Variants in FAM204A observed in about 807,000 individuals in gnomAD.
FAM204A encodes protein FAM204A.
A neutral mutation model predicts 35.4 loss-of-function variants in FAM204A; 16 were observed. The ratio of observed to expected loss-of-function variants is 0.45; its 90% CI spans 0.31 to 0.69. The LOEUF is 0.69. Ranked by LOEUF, FAM204A falls within the 30% of genes least tolerant of loss-of-function variation. FAM204A has a pLI of 0.07. For missense variants in FAM204A, 240 were observed against 265.7 expected, an observed-to-expected ratio of 0.90 and a Z score of 0.67; for synonymous variants, 76 against 86.9, an observed-to-expected ratio of 0.88 and a Z score of 0.70.
chr10:118,327,973 C>A lies in FAM204A; in HGVS notation c.454-1730G>T, dbSNP rs148571646. ...GCAAGACCCTGTCTCTTAAAAACAA[C>A]AACAAAACAGTTTTGTCCAGATGGC... On this transcript the variant is annotated intron_variant, in intron 6 of 8. Transcript: ENST00000369183. 4.7e-3 allele frequency among the ~76,000 whole-genome samples: 718 copies of A among 152,214 alleles called. 6 individuals carry two copies. The highest frequency in any genetic ancestry group is 0.016 in the African/African-American group (669 of 41,536).
Position 118,303,258 on chromosome 10 carries a change from G to C in FAM204A, c.*7599C>G, listed in dbSNP as rs182790880. ...AGAATTTCAGATTTTCAATCTGCTAGACATTTATACATATGTAGAACCAAG... is the reference window on the plus strand; with the variant it reads ...AGAATTTCAGATTTTCAATCTGCTACACATTTATACATATGTAGAACCAAG... On this transcript the variant is annotated 3_prime_UTR_variant, in exon 9 of 9. Coordinates refer to ENST00000369183, the MANE Select transcript of FAM204A (RefSeq NM_022063.3). 7 of 152,322 alleles carry C rather than the reference G, an allele frequency of 4.6e-5. No homozygotes were observed. The highest frequency in any genetic ancestry group is 2.6e-4 in the Admixed American group (4 of 15,306). The allele number at this position is 152,322 out of a possible 1,614,324, so 9.4% of individuals were successfully genotyped here.
At chr10:118,336,453 T>A in intron 2 of FAM204A, 30 bp from the exon 3 acceptor site, 1 of 1,547,976 alleles carries the variant, frequency 6.5e-7, no homozygotes, top group Non-Finnish European at 8.7e-7. Flanking sequence ...TTTACACATG[T>A]AGAATAACCA....
chr10:118,335,713 G>A (rs1176348730), intron 3 of FAM204A, 72 bp from the exon 4 acceptor site: 1 of 1,128,442 alleles, frequency 8.9e-7, no homozygotes, highest in South Asian at 1.4e-5. Flanking sequence ...AAATAATGAA[G>A]TAATAAAACA....
intron 7 of FAM204A, among the ~76,000 whole-genome samples, chr10:118,312,034 C>T (rs853907): frequency 0.4 from 61,431 of 151,878 alleles, 13,087 homozygotes; most frequent in Middle Eastern, 0.62. Context: ...AAAACAGTCC[C>T]TGTTTCTCCA....
At chr10:118,336,991 T>C (rs961886788) in intron 2 of FAM204A, among the ~76,000 whole-genome samples, 2 of 152,202 alleles carry the variant, frequency 1.3e-5, no homozygotes, top group African/African-American at 4.8e-5. Context: ...TACTTTTTAG[T>C]TTAATACTGT....
At chr10:118,338,005 A>T (rs148826875) in intron 2 of FAM204A, among the ~76,000 whole-genome samples, 1 of 152,212 alleles carries the variant, frequency 6.6e-6, no homozygotes, top group Non-Finnish European at 1.5e-5. Context: ...TGAAGTGTCT[A>T]TAACAAATGT....
rs1845811234 is a variant in FAM204A at position 118,301,878 on chromosome 10, A to C, written c.*8979T>G. 1 of 152,318 alleles carries C rather than the reference A, an allele frequency of 6.6e-6. No homozygotes were observed. The highest frequency in any genetic ancestry group is 2.4e-5 in the African/African-American group (1 of 41,444). The allele number at this position is 152,318 out of a possible 1,614,324, so 9.4% of individuals were successfully genotyped here. A position where few individuals can be genotyped will look rare whatever the true frequency, so the allele number is the denominator to read the frequency against. ...GGGATTCAAATCTGGCTTGCTTCAT[A>C]GTCCAGGGTGTAGCAGTTTCACTAT... On this transcript the variant is annotated 3_prime_UTR_variant, in exon 9 of 9. Coordinates refer to ENST00000369183, the MANE Select transcript of FAM204A (RefSeq NM_022063.3).
intron 2 of FAM204A, among the ~76,000 whole-genome samples, chr10:118,338,331 G>C (rs1203959040): frequency 1.3e-5 from 2 of 152,178 alleles, no homozygotes; most frequent in African/African-American, 2.4e-5. Context: ...CAGGTGTCAT[G>C]CTATTAATAA....
intron 6 of FAM204A, 29 bp downstream of exon 6, chr10:118,335,085 G>C (rs1846357412): frequency 6.8e-7 from 1 of 1,463,486 alleles, no homozygotes; most frequent in Non-Finnish European, 9.6e-7. Context: ...CCTACTAGCT[G>C]GTATAAGATG....
At chr10:118,318,461 T>C (rs1846063222) in intron 7 of FAM204A, among the ~76,000 whole-genome samples, 1 of 152,004 alleles carries the variant, frequency 6.6e-6, no homozygotes, top group African/African-American at 2.4e-5. Context: ...AAAATACATA[T>C]AAATAATACT....
chr10:118,317,693 C>T (rs966361204), intron 7 of FAM204A, among the ~76,000 whole-genome samples: 2 of 151,978 alleles, frequency 1.3e-5, no homozygotes, highest in African/African-American at 4.8e-5. Flanking sequence ...TTCATCCAGG[C>T]CCTCTCTTAC....
chr10:118,328,338 A>C (rs528187015), intron 6 of FAM204A, among the ~76,000 whole-genome samples: 2 of 152,062 alleles, frequency 1.3e-5, no homozygotes, highest in African/African-American at 4.8e-5. Context: ...ATTATCAACT[A>C]AACTCTAAGC....
intron 7 of FAM204A, among the ~76,000 whole-genome samples, chr10:118,320,091 G>GT (rs1846088221): frequency 6.6e-6 from 1 of 151,858 alleles, no homozygotes; most frequent in African/African-American, 2.4e-5. Flanking sequence ...AACCAAGTTG[G>GT]TTTTTATCTA....
chr10:118,337,445 C>T (rs1442527890), intron 2 of FAM204A, among the ~76,000 whole-genome samples: 3 of 152,220 alleles, frequency 2.0e-5, no homozygotes, highest in African/African-American at 7.2e-5. Context: ...AAAGAAACCA[C>T]CATTCTCTCT....
chr10:118,325,028 T>A (rs539236403), intron 7 of FAM204A, among the ~76,000 whole-genome samples: 3 of 151,996 alleles, frequency 2.0e-5, no homozygotes, highest in African/African-American at 7.2e-5. Flanking sequence ...TACACACACA[T>A]TAAACACAGA....
intron 1 of FAM204A, 138 bp downstream of exon 1, chr10:118,342,132 C>T (rs768362801): frequency 6.6e-6 from 1 of 152,316 alleles, no homozygotes; most frequent in Non-Finnish European, 1.5e-5. Context: ...GCTTTTCTAG[C>T]CTGCTCCGGG....
intron 7 of FAM204A, among the ~76,000 whole-genome samples, chr10:118,319,653 A>C (rs999540687): frequency 6.6e-6 from 1 of 152,018 alleles, no homozygotes; most frequent in Non-Finnish European, 1.5e-5. Flanking sequence ...AGTTCAAAAA[A>C]TGAGCTTTCA....
chr10:118,339,360 A>G (rs1846437889), intron 2 of FAM204A, among the ~76,000 whole-genome samples: 1 of 152,220 alleles, frequency 6.6e-6, no homozygotes, highest in South Asian at 2.1e-4. Flanking sequence ...CTTGTCATTC[A>G]CAAAGTTTCC....
In FAM204A at chr10:118,311,091, C is replaced by T. The variant is rs746755209; in HGVS notation, c.650+116G>A. 175 of 1,099,416 alleles carry T rather than the reference C, an allele frequency of 1.6e-4. 1 individual carries two copies. Among genetic ancestry groups the T allele is most frequent in the Middle Eastern group, 8.7e-4 (3 of 3,460 alleles). 68.1% of individuals were successfully genotyped at this position (1,099,416 alleles called of 1,614,324 possible). Reference sequence around the variant, plus strand: ...TATTTATAATCTGATAAACATTCAACGAAGAAAAAAATGTAAAATGAGTTA... The same window carrying T: ...TATTTATAATCTGATAAACATTCAATGAAGAAAAAAATGTAAAATGAGTTA... On this transcript the variant is annotated intron_variant, in intron 8 of 8. Coordinates refer to ENST00000369183, the MANE Select transcript of FAM204A (RefSeq NM_022063.3).
Sources: allele counts gnomAD v4.1 joint callset (sites outside exome capture counted in the v4.1 genomes callset), GRCh38; gene constraint gnomAD v4.1.1; transcripts MANE v1.5; gene names NCBI Gene and HGNC (gene_info 2026-07-23, HGNC 2026-07-21).